Variants in IL1RAPL1 observed in about 807,000 individuals in gnomAD.
The protein encoded by IL1RAPL1 is interleukin 1 receptor accessory protein like 1.
A neutral mutation model predicts 48.4 loss-of-function variants in IL1RAPL1; 3 were observed. The ratio of observed to expected loss-of-function variants is 0.06; its 90% CI spans 0.03 to 0.16. The LOEUF (loss-of-function observed/expected upper bound fraction) is 0.16. IL1RAPL1 is among the 10% of genes least tolerant of loss of function. The pLI, the probability that IL1RAPL1 is intolerant of heterozygous loss-of-function variation, is 1.00. For missense variants in IL1RAPL1, 349 were observed against 530.6 expected (o/e 0.66, Z 3.36); for synonymous variants, 185 against 187.7 (o/e 0.99, Z 0.12).
intron 6 of IL1RAPL1, among the ~76,000 whole-genome samples, chrX:29,821,039 A>G (rs868187026): frequency 2.7e-5 from 3 of 112,128 alleles, no homozygotes; most frequent in African/African-American, 6.5e-5. Context: ...ATTATATGAC[A>G]TATTGAAGTT....
intron 2 of IL1RAPL1, among the ~76,000 whole-genome samples, chrX:29,059,569 C>CA (rs1238623862): frequency 4.5e-5 from 5 of 110,906 alleles, no homozygotes; most frequent in Non-Finnish European, 7.6e-5. Flanking sequence ...TGGGGAATGA[C>CA]AAAAAAAGCT....
intron 2 of IL1RAPL1, among the ~76,000 whole-genome samples, chrX:29,188,425 C>T (rs1462112518): frequency 9.0e-6 from 1 of 110,920 alleles, no homozygotes; most frequent in Admixed American, 9.7e-5. Flanking sequence ...ATTTCTCAAA[C>T]TGTAAATGCC....
chrX:28,848,319 TTAAAG>T (rs1404746920), intron 2 of IL1RAPL1, among the ~76,000 whole-genome samples: 5 of 111,320 alleles, frequency 4.5e-5, no homozygotes, highest in African/African-American at 1.6e-4. Context: ...ATCCCAGAAC[TTAAAG>T]TAAAATAAAT....
intron 1 of IL1RAPL1, among the ~76,000 whole-genome samples, chrX:28,703,879 A>T (rs1935330865): frequency 9.0e-6 from 1 of 111,084 alleles, no homozygotes; most frequent in African/African-American, 3.3e-5. Context: ...TTTTTCCAGG[A>T]CCTCCTATCC....
Position 28,993,632 on chromosome X carries a change from G to T in IL1RAPL1, c.82+204207G>T, listed in dbSNP as rs1045753518. Among the ~76,000 whole-genome samples, 6 of 112,078 alleles carry T rather than the reference G, an allele frequency of 5.4e-5. No individual in the cohort carries two copies. The Admixed American group carries it at 5.7e-4, about 11-fold the overall frequency. On this transcript the variant is annotated intron_variant, in intron 2 of 10. Coordinates refer to ENST00000378993, the MANE Select transcript of IL1RAPL1 (RefSeq NM_014271.4). Reference sequence around the variant, plus strand: ...TGAAGTAGGAGGTTGTCAAATAATGGCACTTGATTAATTTTTACAAGTAAA... The same window carrying T: ...TGAAGTAGGAGGTTGTCAAATAATGTCACTTGATTAATTTTTACAAGTAAA...
intron 2 of IL1RAPL1, among the ~76,000 whole-genome samples, chrX:29,183,983 C>T (rs888347405): frequency 1.8e-5 from 2 of 112,036 alleles, no homozygotes; most frequent in Non-Finnish European, 3.8e-5. Flanking sequence ...AGTGGGCCAC[C>T]GTGTCCAGCC....
chrX:29,217,766 C>T lies in IL1RAPL1; in HGVS notation c.83-65172C>T, dbSNP rs1292965033. The stretch of plus-strand genomic sequence containing the variant: ...AAATTTATACATTTTTTCTCTCTCT[C>T]TCTCTCTCTCTCACACACACACACA... On this transcript the variant is annotated intron_variant, in intron 2 of 10. Coordinates refer to ENST00000378993, the MANE Select transcript of IL1RAPL1 (RefSeq NM_014271.4). 4.5e-5 allele frequency among the ~76,000 whole-genome samples: 3 copies of T among 66,348 alleles called. No homozygotes were observed. In the East Asian group the frequency reaches 1.5e-3, roughly 34 times the overall value. 57.6% of individuals were successfully genotyped at this position (66,348 alleles called of 115,157 possible).
chrX:29,686,715 G>A (rs1454338945), intron 6 of IL1RAPL1, among the ~76,000 whole-genome samples: 1 of 108,530 alleles, frequency 9.2e-6, no homozygotes, highest in Non-Finnish European at 1.9e-5. Context: ...CCGCCACCAC[G>A]CCCAGCTAAT....
chrX:29,296,088 C>T (rs1314211385), intron 3 of IL1RAPL1, among the ~76,000 whole-genome samples: 1 of 112,009 alleles, frequency 8.9e-6, no homozygotes. Context: ...AGAAGTCAGG[C>T]AGAGATGTGT....
chrX:29,921,540 A>T (rs1317451048), intron 8 of IL1RAPL1, among the ~76,000 whole-genome samples: 2 of 112,200 alleles, frequency 1.8e-5, no homozygotes, highest in African/African-American at 6.5e-5. Context: ...ATCTTTCTAT[A>T]GTTTAGTATA....
At chrX:28,661,774 C>T (rs1934825305) in intron 1 of IL1RAPL1, among the ~76,000 whole-genome samples, 1 of 111,766 alleles carries the variant, frequency 8.9e-6, no homozygotes, top group Admixed American at 9.6e-5. Context: ...TTATAATGTT[C>T]AAAGAACACT....
chrX:29,146,118 C>T (rs1024273901), intron 2 of IL1RAPL1, among the ~76,000 whole-genome samples: 1 of 111,693 alleles, frequency 9.0e-6, no homozygotes. Flanking sequence ...TACAAGGGTC[C>T]GTAAGGCCCC....
At chrX:29,643,099 A>G (rs1234618386) in intron 5 of IL1RAPL1, among the ~76,000 whole-genome samples, 2 of 112,408 alleles carry the variant, frequency 1.8e-5, no homozygotes, top group Non-Finnish European at 3.8e-5. Flanking sequence ...TAATGTGGCT[A>G]ACATTGTTGG....
At chrX:29,457,506 A>G (rs2147731344) in intron 5 of IL1RAPL1, among the ~76,000 whole-genome samples, 1 of 111,635 alleles carries the variant, frequency 9.0e-6, no homozygotes, top group South Asian at 3.8e-4. Context: ...ATGTTGCTAC[A>G]AAGGACACGA....
intron 2 of IL1RAPL1, among the ~76,000 whole-genome samples, chrX:29,182,109 C>T (rs927480622): frequency 9.1e-6 from 1 of 109,868 alleles, no homozygotes; most frequent in African/African-American, 3.3e-5. Context: ...GCCTTGCCCC[C>T]CCCCACCCCA....
chrX:29,261,067 G>C lies in IL1RAPL1; in HGVS notation c.83-21871G>C, dbSNP rs973946607. Among the ~76,000 whole-genome samples the C allele has an allele frequency of 4.6e-5, 5 of 108,423 alleles. No individual in the cohort carries two copies. The South Asian group carries it at 1.2e-3, about 25-fold the overall frequency. The allele number at this position is 108,423 out of a possible 115,157, so 94.2% of individuals were successfully genotyped here. A position where few individuals can be genotyped will look rare whatever the true frequency, so the allele number is the denominator to read the frequency against. ...ATATTTTTATTTCCTTGCTTTTATA[G>C]ATATTATCTCCAAGAAAATCATAGG... is the stretch of plus-strand genomic sequence containing the variant. On this transcript the variant is annotated intron_variant, in intron 2 of 10. Transcript: ENST00000378993.
chrX:28,639,354 A>T (rs1934506937), intron 1 of IL1RAPL1, among the ~76,000 whole-genome samples: 1 of 112,089 alleles, frequency 8.9e-6, no homozygotes, highest in Non-Finnish European at 1.9e-5. Flanking sequence ...TGGAAACAAC[A>T]TTCCTTTCAC....
At chrX:29,052,794 C>A in intron 2 of IL1RAPL1, among the ~76,000 whole-genome samples, 2 of 111,681 alleles carry the variant, frequency 1.8e-5, no homozygotes, top group Admixed American at 1.9e-4. Context: ...GCCTCAGCCT[C>A]CTGAGTAGCT....
At chrX:29,555,732 A>G (rs139231261) in intron 5 of IL1RAPL1, among the ~76,000 whole-genome samples, 8 of 112,139 alleles carry the variant, frequency 7.1e-5, no homozygotes, top group African/African-American at 2.6e-4. Flanking sequence ...CTTGACACGT[A>G]ATTTGTATTT....
Sources: gnomAD v4.1 joint callset for allele counts (sites outside exome capture counted in the v4.1 genomes callset) on GRCh38, gnomAD v4.1.1 for gene constraint, MANE v1.5 for transcripts, NCBI Gene and HGNC (gene_info 2026-07-23, HGNC 2026-07-21) for gene names.